The following MEI4 variants were observed in gnomAD, a reference collection of about 807,000 sequenced individuals.
MEI4 encodes meiosis-specific protein MEI4.
Under a neutral mutation model 31.4 loss-of-function variants are expected in MEI4, and 27 were observed. That is an observed-to-expected ratio of 0.86 (90% CI 0.63 to 1.19). The LOEUF (loss-of-function observed/expected upper bound fraction) is 1.19. Among genes scored for constraint, MEI4 ranks in the 50% most tolerant of loss-of-function variants. The pLI is 0.00. For missense variants in MEI4, 329 were observed against 398.9 expected (o/e 0.82, Z 1.49); for synonymous variants, 122 against 145.4 (o/e 0.84, Z 1.16).
intron 2 of MEI4, among the ~76,000 whole-genome samples, chr6:77,741,023 C>CT (rs1444324409): frequency 6.6e-6 from 1 of 151,914 alleles, no homozygotes; most frequent in Non-Finnish European, 1.5e-5. Context: ...AGGGGAGATA[C>CT]TTTTTTTGTC....
At chr6:77,757,830 T>G (rs1767950412) in intron 2 of MEI4, among the ~76,000 whole-genome samples, 1 of 152,194 alleles carries the variant, frequency 6.6e-6, no homozygotes, top group South Asian at 2.1e-4. Flanking sequence ...TCAGTGTCTA[T>G]TCACCTAAAA....
intron 4 of MEI4, among the ~76,000 whole-genome samples, chr6:77,865,619 G>C (rs888745316): frequency 2.8e-4 from 42 of 152,166 alleles, no homozygotes; most frequent in Non-Finnish European, 5.6e-4. Context: ...TCCAGGACCA[G>C]ATGGATTCAC....
At position 77,732,762 on chromosome 6, in the gene MEI4, G is replaced by GTT. The variant is rs756444796; in HGVS notation, c.233-28366_233-28365dup. On this transcript the variant is annotated intron_variant, in intron 2 of 4. Transcript: ENST00000684080. ...CCATTCAGTATGATATTGGCTGTGG[G>GTT]TTTGCCATAGATAGCTCTTATTATT... Among the ~76,000 whole-genome samples the GTT allele has an allele frequency of 1.3e-3, 195 of 152,118 alleles. 1 individual carries two copies. The highest frequency in any genetic ancestry group is 2.2e-3 in the Non-Finnish European group (152 of 68,024).
chr6:77,685,120 T>C (rs1369529749), intron 1 of MEI4, among the ~76,000 whole-genome samples: 1 of 152,224 alleles, frequency 6.6e-6, no homozygotes, highest in Admixed American at 6.5e-5. Context: ...GTGAACACTT[T>C]CATATGTCTG....
intron 3 of MEI4, among the ~76,000 whole-genome samples, chr6:77,828,707 A>G (rs534098760): frequency 6.6e-6 from 1 of 152,218 alleles, no homozygotes; most frequent in Admixed American, 6.5e-5. Context: ...TAAAACTTCC[A>G]TTTTAGCACC....
At chr6:77,692,893 C>A (rs556040299) in intron 2 of MEI4, among the ~76,000 whole-genome samples, 13 of 151,924 alleles carry the variant, frequency 8.6e-5, no homozygotes, top group Non-Finnish European at 1.6e-4. Context: ...CAGACACAGA[C>A]TTAGGATCTG....
At chr6:77,861,361 TTC>T (rs1305892080) in intron 4 of MEI4, among the ~76,000 whole-genome samples, 1 of 152,202 alleles carries the variant, frequency 6.6e-6, no homozygotes, top group African/African-American at 2.4e-5. Flanking sequence ...CTAGGCCTGG[TTC>T]TTTCATTGAA....
At chr6:77,681,680 T>C (rs1768959676) in intron 1 of MEI4, among the ~76,000 whole-genome samples, 1 of 152,028 alleles carries the variant, frequency 6.6e-6, no homozygotes, top group Admixed American at 6.6e-5. Context: ...AGGTGTGGGA[T>C]GGAATTAAAA....
chr6:77,920,614 A>G (rs186161254), intron 4 of MEI4, among the ~76,000 whole-genome samples: 39 of 151,958 alleles, frequency 2.6e-4, no homozygotes, highest in Non-Finnish European at 3.5e-4. Context: ...AAGGTTTCCA[A>G]TTTACTTTGC....
chr6:77,922,215 G>A (rs7773827), intron 4 of MEI4, among the ~76,000 whole-genome samples: 125,214 of 151,612 alleles, frequency 0.83, 52,213 homozygotes, highest in East Asian at 0.95. Flanking sequence ...AAAATATTTC[G>A]TAAATGTTCC....
intron 4 of MEI4, among the ~76,000 whole-genome samples, chr6:77,900,894 C>T (rs1439792405): frequency 1.3e-5 from 2 of 151,782 alleles, no homozygotes; most frequent in Non-Finnish European, 2.9e-5. Context: ...CTCTGGTAAC[C>T]AACATTTTAG....
At chr6:77,860,502 G>T (rs1770839640) in intron 4 of MEI4, among the ~76,000 whole-genome samples, 1 of 152,100 alleles carries the variant, frequency 6.6e-6, no homozygotes, top group Admixed American at 6.6e-5. Flanking sequence ...ATTTCATTAA[G>T]AAACATCTTT....
intron 4 of MEI4, among the ~76,000 whole-genome samples, chr6:77,896,406 G>T (rs1015643925): frequency 6.6e-6 from 1 of 152,034 alleles, no homozygotes; most frequent in Non-Finnish European, 1.5e-5. Flanking sequence ...CACTAAAAGA[G>T]CACATTACTT....
At chr6:77,804,672 G>T (rs1440187777) in intron 3 of MEI4, among the ~76,000 whole-genome samples, 2 of 152,116 alleles carry the variant, frequency 1.3e-5, no homozygotes, top group Middle Eastern at 3.4e-3. Context: ...AGAATCATTT[G>T]ACCAGTTTCT....
intron 4 of MEI4, among the ~76,000 whole-genome samples, chr6:77,875,940 A>G (rs1303628874): frequency 2.0e-5 from 3 of 152,150 alleles, no homozygotes; most frequent in African/African-American, 7.2e-5. Flanking sequence ...AGGTGATTCA[A>G]CTATTTCAAG....
chr6:77,822,846 T>C (rs1006257309), intron 3 of MEI4, among the ~76,000 whole-genome samples: 1 of 151,946 alleles, frequency 6.6e-6, no homozygotes, highest in Non-Finnish European at 1.5e-5. Flanking sequence ...ATGGTCTTGA[T>C]CTCCTGACCT....
chr6:77,768,208 TC>T (rs1424572220), intron 3 of MEI4, among the ~76,000 whole-genome samples: 5 of 152,188 alleles, frequency 3.3e-5, no homozygotes, highest in Non-Finnish European at 5.9e-5. Flanking sequence ...TGATATTATG[TC>T]CTATTTCCAT....
At chr6:77,760,699 A>G (rs906491602) in intron 2 of MEI4, among the ~76,000 whole-genome samples, 1 of 152,132 alleles carries the variant, frequency 6.6e-6, no homozygotes, top group African/African-American at 2.4e-5. Flanking sequence ...GGATACACTA[A>G]TCTAACAAGG....
intron 4 of MEI4, among the ~76,000 whole-genome samples, chr6:77,851,402 T>C (rs1413303235): frequency 2.0e-5 from 3 of 151,976 alleles, no homozygotes; most frequent in African/African-American, 7.3e-5. Context: ...CCATCAATGA[T>C]AGACTGGATT....
Sources: allele counts gnomAD v4.1 joint callset (sites outside exome capture counted in the v4.1 genomes callset), GRCh38; gene constraint gnomAD v4.1.1; transcripts MANE v1.5; gene names NCBI Gene and HGNC (gene_info 2026-07-23, HGNC 2026-07-21).